Variants in DDX24 observed in about 807,000 individuals in gnomAD.
The protein encoded by DDX24 is ATP-dependent RNA helicase DDX24.
Under a neutral mutation model 68.9 loss-of-function variants are expected in DDX24, and 24 were observed. The ratio of observed to expected loss-of-function variants is 0.35; its 90% CI spans 0.25 to 0.49. DDX24 has a LOEUF of 0.49. DDX24 is among the 20% of genes least tolerant of loss of function. DDX24 has a pLI of 0.99. For synonymous variants in DDX24, 395 were observed against 385.2 expected (o/e 1.03, Z -0.30); for missense variants, 989 against 1,039.0 (o/e 0.95, Z 0.66).
intron 2 of DDX24, among the ~76,000 whole-genome samples, chr14:94,076,299 A>T (rs1885937827): frequency 6.6e-6 from 1 of 152,232 alleles, no homozygotes; most frequent in Non-Finnish European, 1.5e-5. Flanking sequence ...TTGTAATAAC[A>T]TGGCGTAATC....
At position 94,054,451 on chromosome 14, in the gene DDX24, A is replaced by G. The variant is rs559284793; in HGVS notation, c.2178+545T>C. Reference sequence around the variant, plus strand: ...CCTCTTCTCCTCCCAATGTAACCATATGCCCAGTAATTCCATACTGCTCCA... The same window carrying G: ...CCTCTTCTCCTCCCAATGTAACCATGTGCCCAGTAATTCCATACTGCTCCA... On this transcript the variant is annotated intron_variant, in intron 7 of 8. Coordinates refer to ENST00000621632, the MANE Select transcript of DDX24 (RefSeq NM_020414.4). 2.0e-5 allele frequency among the ~76,000 whole-genome samples: 3 copies of G among 152,288 alleles called. No individual in the cohort carries two copies. The South Asian group carries it at 6.2e-4, about 32-fold the overall frequency.
chr14:94,069,132 G>T (rs1885776339), intron 2 of DDX24, among the ~76,000 whole-genome samples: 1 of 151,990 alleles, frequency 6.6e-6, no homozygotes, highest in Non-Finnish European at 1.5e-5. Context: ...GATTAACCAA[G>T]AAAAGAAGAG....
chr14:94,066,853 C>A (rs763012018), intron 2 of DDX24, among the ~76,000 whole-genome samples: 8 of 152,280 alleles, frequency 5.3e-5, no homozygotes, highest in Non-Finnish European at 8.8e-5. Flanking sequence ...AGCCCTAGAC[C>A]TTCCCTCTGA....
In DDX24 at chr14:94,060,115, CT is replaced by C; in HGVS notation, c.1895del (p.Gln632ArgfsTer57). 6.2e-7 allele frequency: 1 copy of C among 1,612,564 alleles called. No individual in the cohort carries two copies. Among genetic ancestry groups the C allele is most frequent in the Non-Finnish European group, 8.5e-7 (1 of 1,178,778 alleles). On this transcript the variant is annotated frameshift_variant, in exon 5 of 9. Transcript: ENST00000621632. LOFTEE classifies it high-confidence loss of function. ...TAACTTACTCTTCCAGACGGGCAAA[CT>C]GCTCCAGGTTTCTGAGCCTCTGCTT... ...HQKQRLRNLE[Q>X]FARLEDCVLL...
chr14:94,060,669 C>T, intron 4 of DDX24, 56 bp from the exon 5 acceptor site: 1 of 1,577,086 alleles, frequency 6.3e-7, no homozygotes, highest in Non-Finnish European at 8.6e-7. Flanking sequence ...GAGGAATCAT[C>T]TATAGCACAC....
intron 2 of DDX24, among the ~76,000 whole-genome samples, chr14:94,066,766 C>T (rs2141430114): frequency 6.6e-6 from 1 of 152,280 alleles, no homozygotes; most frequent in South Asian, 2.1e-4. Context: ...TCACAGGAAG[C>T]CACATCCATA....
In DDX24 at chr14:94,062,623, T is replaced by A; in HGVS notation, c.719-2A>T. The A allele has an allele frequency of 6.3e-7, 1 of 1,578,834 alleles. No homozygotes were observed. Among genetic ancestry groups the A allele is most frequent in the Non-Finnish European group, 8.6e-7 (1 of 1,165,440 alleles). ...CAAAGGCAAGAGTTTTCCCACTTCCTTAAAAGTAAAAAAACAAAACAAAGT... is the reference window on the plus strand; with the variant it reads ...CAAAGGCAAGAGTTTTCCCACTTCCATAAAAGTAAAAAAACAAAACAAAGT... On this transcript the variant is annotated splice_acceptor_variant, in intron 2 of 8. Transcript: ENST00000621632. LOFTEE classifies it high-confidence loss of function.
Position 94,060,200 on chromosome 14 carries a change from G to C in DDX24, c.1811C>G (p.Ser604Cys), listed in dbSNP as rs995604319. The C allele has an allele frequency of 6.2e-7, 1 of 1,614,202 alleles. No individual in the cohort carries two copies. Among genetic ancestry groups the C allele is most frequent in the Non-Finnish European group, 8.5e-7 (1 of 1,180,044 alleles). Residue 604 changes from serine to cysteine, a missense_variant, in exon 5 of 9, where the codon TCT becomes TGT. Physicochemically the swap from Ser to Cys is moderately radical, Grantham distance 112. This residue lies in a region of DDX24 where 691 missense variants were observed against 760.0 expected (regional missense o/e 0.91). Coordinates refer to ENST00000621632, the MANE Select transcript of DDX24 (RefSeq NM_020414.4). ...GATATCAAGGACTTTGAGGAGCCCA[G>C]AGAGGCGTTTGATGCAGGAGATACT... ...ANSISCIKRL[S>C]GLLKVLDIMP...
intron 2 of DDX24, among the ~76,000 whole-genome samples, chr14:94,063,164 C>CAGA (rs1474301163): frequency 1.3e-5 from 2 of 152,130 alleles, no homozygotes; most frequent in African/African-American, 4.8e-5. Context: ...ATGCCCTAGG[C>CAGA]AGAAGCCAAT....
intron 2 of DDX24, among the ~76,000 whole-genome samples, chr14:94,076,725 T>C (rs922503564): frequency 6.8e-5 from 10 of 147,226 alleles, no homozygotes; most frequent in Non-Finnish European, 1.3e-4. Context: ...AATTAATCTA[T>C]AGTGATAGAA....
In DDX24 at chr14:94,055,072, T is replaced by C. The variant is rs747280169; in HGVS notation, c.2102A>G (p.Lys701Arg). The C allele has an allele frequency of 6.2e-7, 1 of 1,613,918 alleles. No homozygotes were observed. Among genetic ancestry groups the C allele is most frequent in the Non-Finnish European group, 8.5e-7 (1 of 1,179,778 alleles). ...IGPEDVINFK[K>R]IYKTLKKDED... ...ATCTTTCTTGAGCGTTTTGTAAATC[T>C]TCTTAAAGTTGATCACATCCTCAGG... The change falls in exon 7 of 9, where the codon AAG (lysine) becomes AGG (arginine). Residue 701 changes from lysine (K) to arginine (R), a missense_variant. Coordinates refer to ENST00000621632, the MANE Select transcript of DDX24 (RefSeq NM_020414.4).
intron 1 of DDX24, among the ~76,000 whole-genome samples, chr14:94,080,712 A>AC (rs1282722299): frequency 6.7e-6 from 1 of 149,320 alleles, no homozygotes; most frequent in East Asian, 1.9e-4. Flanking sequence ...ACAAAAAACA[A>AC]ACAAAAAAAA....
intron 2 of DDX24, among the ~76,000 whole-genome samples, chr14:94,063,846 T>C (rs1273888055): frequency 6.6e-6 from 1 of 152,220 alleles, no homozygotes; most frequent in African/African-American, 2.4e-5. Context: ...GAGGCTGCAG[T>C]GAGCCATGAT....
Position 94,079,634 on chromosome 14 carries a change from T to C in DDX24, c.109A>G (p.Asn37Asp). The C allele has an allele frequency of 6.2e-7, 1 of 1,614,106 alleles. No homozygotes were observed. The highest frequency in any genetic ancestry group is 8.5e-7 in the Non-Finnish European group (1 of 1,180,004). Reference sequence around the variant, plus strand: ...TCCATCTGTCCATCTGCAAACATATTTGGGTCAATCTTCACTTCCTTCCAT... The same window carrying C: ...TCCATCTGTCCATCTGCAAACATATCTGGGTCAATCTTCACTTCCTTCCAT... Reference protein sequence around the residue: ...GKWKEVKIDPNMFADGQMDDL... With the variant: ...GKWKEVKIDPDMFADGQMDDL... The change falls in exon 2 of 9, where the codon AAT becomes GAT. Residue 37 changes from asparagine to aspartate, a missense_variant. Physicochemically the swap from Asn to Asp is conservative, Grantham distance 23. Coordinates refer to ENST00000621632, the MANE Select transcript of DDX24 (RefSeq NM_020414.4).
intron 2 of DDX24, among the ~76,000 whole-genome samples, chr14:94,074,367 G>C (rs933751582): frequency 1.3e-5 from 2 of 152,154 alleles, no homozygotes; most frequent in African/African-American, 2.4e-5. Context: ...AATTAGAATA[G>C]TATATTGTGA....
chr14:94,066,919 AC>A (rs1180093157), intron 2 of DDX24, among the ~76,000 whole-genome samples: 1 of 152,178 alleles, frequency 6.6e-6, no homozygotes, highest in Non-Finnish European at 1.5e-5. Context: ...ATATGACAAA[AC>A]AAGGCTCTTC....
rs73349902 is a variant in DDX24, at chr14:94,074,221, G to A, written c.718+4804C>T. 4.6e-3 allele frequency among the ~76,000 whole-genome samples: 696 copies of A among 152,128 alleles called. 4 individuals are homozygous for A. Among genetic ancestry groups the A allele is most frequent in the African/African-American group, 0.016 (678 of 41,502 alleles). On this transcript the variant is annotated intron_variant, in intron 2 of 8. Transcript: ENST00000621632. Reference sequence around the variant, plus strand: ...ATAAATTCTTTCAGAAAACTGAACAGAATACTTCAGAAATCATTCTGAAGC... The same window carrying A: ...ATAAATTCTTTCAGAAAACTGAACAAAATACTTCAGAAATCATTCTGAAGC...
intron 1 of DDX24, 63 bp from the exon 2 acceptor site, chr14:94,079,810 A>G (rs1886025148): frequency 6.8e-7 from 1 of 1,473,190 alleles, no homozygotes; most frequent in Non-Finnish European, 9.2e-7. Context: ...CTGATGTAAC[A>G]AATATTTTCT....
Position 94,060,998 on chromosome 14 carries a change from G to T in DDX24, c.1312C>A (p.Pro438Thr). The change falls in exon 4 of 9, where the codon CCT becomes ACT. Residue 438 changes from proline (P) to threonine (T), a missense_variant. Physicochemically the swap from Pro to Thr is conservative, Grantham distance 38. Around this residue, in one of 3 missense-constraint regions of DDX24, gnomAD observed 691 missense variants for 760.0 expected, o/e 0.91. Transcript: ENST00000621632. ...CCTGGAGTAGCAACCACAATCTCAG[G>T]ACGACGGTTCAGCATCCTCTGCTGT... ...QKQQRMLNRR[P>T]EIVVATPGRL... The T allele has an allele frequency of 6.2e-7, 1 of 1,614,178 alleles. No individual in the cohort carries two copies. Among genetic ancestry groups the T allele is most frequent in the Non-Finnish European group, 8.5e-7 (1 of 1,180,036 alleles).
Sources: gnomAD v4.1 joint callset for allele counts (sites outside exome capture counted in the v4.1 genomes callset) on GRCh38, gnomAD v4.1.1 for gene constraint, gnomAD v4.1.1 regional missense constraint, MANE v1.5 for transcripts, NCBI Gene and HGNC (gene_info 2026-07-23, HGNC 2026-07-21) for gene names.